The following ZNF444 variants were observed in gnomAD, a reference collection of about 807,000 sequenced individuals.
ZNF444 encodes endothelial zinc finger protein 2.
A neutral mutation model predicts 14.4 loss-of-function variants in ZNF444; 8 were observed. The ratio of observed to expected loss-of-function variants is 0.56; its 90% CI spans 0.33 to 1.00. ZNF444 has a LOEUF of 1.00. ZNF444 is among the 50% of genes least tolerant of loss of function. The pLI is 0.03. For missense variants in ZNF444, 510 were observed against 504.8 expected (o/e 1.01, Z -0.10); for synonymous variants, 258 against 235.9 (o/e 1.09, Z -0.86).
At chr19:56,141,828 ATTG>A (rs2030842574) in intron 1 of ZNF444, 3 of 152,136 alleles carry the variant, frequency 2.0e-5, no homozygotes, top group Admixed American at 2.0e-4. Context: ...GACGATGGTT[ATTG>A]TTGTAACGTA....
intron 3 of ZNF444, chr19:56,157,705 G>A (rs979724424): frequency 2.6e-5 from 4 of 152,228 alleles, no homozygotes; most frequent in Admixed American, 6.6e-5. Flanking sequence ...GCCTGGCCTA[G>A]GCATTGCTAA....
chr19:56,159,070 CCATCCACCCAT>C (rs1192625927), intron 4 of ZNF444, among the ~76,000 whole-genome samples: 4 of 151,350 alleles, frequency 2.6e-5, no homozygotes, highest in African/African-American at 9.7e-5. Flanking sequence ...ATCCGTCCAT[CCATCCACCCAT>C]CATCCACCCA....
At chr19:56,158,973 C>T (rs954764339) in intron 4 of ZNF444, among the ~76,000 whole-genome samples, 1 of 151,936 alleles carries the variant, frequency 6.6e-6, no homozygotes, top group East Asian at 1.9e-4. Flanking sequence ...TCATCATCAC[C>T]CATCTATCCA....
At position 56,158,543 on chromosome 19, in the gene ZNF444, A is replaced by G; in HGVS notation, c.347A>G (p.Asp116Gly). Residue 116 changes from aspartate (D) to glycine (G), a missense_variant, in exon 4 of 5, where the codon GAT becomes GGT. Asp to Gly is a moderately conservative substitution (Grantham distance 94, BLOSUM62 -1). Transcript: ENST00000337080. Reference protein sequence around the residue: ...DGSSATRVPQDVTQGPGATGG... With the variant: ...DGSSATRVPQGVTQGPGATGG... ...TCGTCAGCAACGAGGGTGCCTCAGGATGTGACGCAGGGCCCTGGGGCCACA... is the reference window on the plus strand; with the variant it reads ...TCGTCAGCAACGAGGGTGCCTCAGGGTGTGACGCAGGGCCCTGGGGCCACA... 1 of 1,612,020 alleles carries G rather than the reference A, an allele frequency of 6.2e-7. No individual in the cohort carries two copies. The highest frequency in any genetic ancestry group is 2.2e-5 in the East Asian group (1 of 44,610).
At chr19:56,140,126 A>G (rs1380365803), upstream of ZNF444, among the ~76,000 whole-genome samples, 3 of 152,234 alleles carry the variant, frequency 2.0e-5, no homozygotes, top group Admixed American at 6.5e-5. Context: ...ATTTATGAAT[A>G]TAAGACGAAC....
chr19:56,148,258 G>A (rs1029389121), intron 3 of ZNF444, among the ~76,000 whole-genome samples: 5 of 152,196 alleles, frequency 3.3e-5, no homozygotes, highest in Non-Finnish European at 7.3e-5. Context: ...TCCAGGCCAC[G>A]AGAGCAGCCA....
intron 3 of ZNF444, among the ~76,000 whole-genome samples, chr19:56,148,181 G>A (rs576777149): frequency 6.6e-6 from 1 of 152,224 alleles, no homozygotes; most frequent in Non-Finnish European, 1.5e-5. Context: ...CCCATGGCTG[G>A]TGGCTGCTGT....
chr19:56,159,676 G>C lies in ZNF444; in HGVS notation c.459G>C (p.Val153=). 1 of 1,520,714 alleles carries C rather than the reference G, an allele frequency of 6.6e-7. No individual in the cohort carries two copies. The highest frequency in any genetic ancestry group is 1.2e-5 in the South Asian group (1 of 82,162). 94.2% of individuals were successfully genotyped at this position (1,520,714 alleles called of 1,614,324 possible). A position where few individuals can be genotyped will look rare whatever the true frequency, so the allele number is the denominator to read the frequency against. ...EGPAPGDSQA[V]RPYKQEPSSP... The stretch of plus-strand genomic sequence containing the variant: ...CGGCGCCTGGGGACTCCCAGGCTGT[G>C]CGCCCCTACAAGCAGGAGCCCAGCA... Residue 153 remains valine, a synonymous_variant, in exon 5 of 5, where the codon GTG becomes GTC. Coordinates refer to ENST00000337080, the MANE Select transcript of ZNF444 (RefSeq NM_018337.4).
At chr19:56,154,683 T>G (rs941041711) in intron 3 of ZNF444, 14 of 149,652 alleles carry the variant, frequency 9.4e-5, no homozygotes, top group African/African-American at 2.9e-4. Flanking sequence ...ATCGGCAGCT[T>G]GATTCCGCAG....
In ZNF444 at chr19:56,144,571, C is replaced by T. The variant is rs1396720786; in HGVS notation, c.-196-1676C>T. Among the ~76,000 whole-genome samples, 1 of 152,038 alleles carries T rather than the reference C, an allele frequency of 6.6e-6. No homozygotes were observed. The highest frequency in any genetic ancestry group is 1.5e-5 in the Non-Finnish European group (1 of 68,026). On this transcript the variant is annotated intron_variant, in intron 1 of 4. Transcript: ENST00000337080. This position sits in a 1 kb window ranked among gnomAD's most constrained non-coding sequence, Gnocchi z 4.0. Reference sequence around the variant, plus strand: ...AGGCATACACGGGTCTTGTGGCAGCCGTCCCAGCAATGAGATGACGTTTGT... The same window carrying T: ...AGGCATACACGGGTCTTGTGGCAGCTGTCCCAGCAATGAGATGACGTTTGT...
intron 3 of ZNF444, chr19:56,150,326 G>A (rs1377609920): frequency 4.1e-6 from 1 of 246,260 alleles, no homozygotes; most frequent in South Asian, 4.8e-5. Context: ...CGGGGATGCA[G>A]TGAGAGTTCT....
intron 1 of ZNF444, chr19:56,141,692 G>A (rs1229945840): frequency 1.5e-5 from 2 of 134,670 alleles, no homozygotes; most frequent in Non-Finnish European, 3.2e-5. Context: ...TGGGGGAGGG[G>A]AAGGGGACCC....
At position 56,144,030 on chromosome 19, in the gene ZNF444, C is replaced by T. The variant is rs149763287; in HGVS notation, c.-196-2217C>T. Among the ~76,000 whole-genome samples, 27 of 152,250 alleles carry T rather than the reference C, an allele frequency of 1.8e-4. No individual in the cohort carries two copies. In the South Asian group the frequency reaches 3.5e-3, roughly 20 times the overall value. On this transcript the variant is annotated intron_variant, in intron 1 of 4. Coordinates refer to ENST00000337080, the MANE Select transcript of ZNF444 (RefSeq NM_018337.4). The surrounding 1 kb of genome is among the most constrained non-coding windows in gnomAD (Gnocchi z 4.0). ...CAAGAAGATAGAAAGTGAGCCAGACCGGGCACAGTGGCTCACTCCTGTAAT... is the reference window on the plus strand; with the variant it reads ...CAAGAAGATAGAAAGTGAGCCAGACTGGGCACAGTGGCTCACTCCTGTAAT...
intron 3 of ZNF444, chr19:56,151,693 G>A (rs1455761116): frequency 4.5e-6 from 2 of 448,326 alleles, no homozygotes; most frequent in Non-Finnish European, 4.4e-6. Context: ...GCTGTGCATT[G>A]GGGTTTCTTG....
chr19:56,134,291 T>G (rs182762934), intron 1 of ZNF444, among the ~76,000 whole-genome samples: 2 of 152,302 alleles, frequency 1.3e-5, no homozygotes, highest in South Asian at 4.1e-4. Context: ...CTAGAAGGTA[T>G]GAGCTAAATT....
chr19:56,159,707 C>T lies in ZNF444; in HGVS notation c.490C>T (p.Pro164Ser). ...CTACAAGCAGGAGCCCAGCAGCCCC[C>T]CGCTGGCGCCTGGCCTGCCCGCCTT... The part of the protein sequence containing the change: ...RPYKQEPSSP[P>S]LAPGLPAFLA... Residue 164 changes from proline (P) to serine (S), a missense_variant, in exon 5 of 5, where the codon CCG becomes TCG. Transcript: ENST00000337080. The T allele has an allele frequency of 6.4e-7, 1 of 1,551,244 alleles. No homozygotes were observed.
chr19:56,150,379 A>G, intron 3 of ZNF444: 1 of 281,832 alleles, frequency 3.5e-6, no homozygotes, highest in Non-Finnish European at 6.9e-6. Context: ...ACCAGGCTCC[A>G]GGCCGTCGGG....
At chr19:56,142,460 T>G (rs1285436027) in intron 1 of ZNF444, 1 of 152,062 alleles carries the variant, frequency 6.6e-6, no homozygotes, top group East Asian at 1.9e-4. Context: ...TGTGGCAATG[T>G]CTGGAGACTT....
At chr19:56,158,340 G>C (rs1165154374) in intron 3 of ZNF444, 154 bp from the exon 4 acceptor site, 3 of 663,590 alleles carry the variant, frequency 4.5e-6, no homozygotes, top group African/African-American at 3.8e-5. Flanking sequence ...TCACCTGGGG[G>C]CCTCTCTGTG....
Sources: allele counts gnomAD v4.1 joint callset (sites outside exome capture counted in the v4.1 genomes callset), GRCh38; gene constraint gnomAD v4.1.1; non-coding constraint Gnocchi (gnomAD v3.1); transcripts MANE v1.5; gene names NCBI Gene and HGNC (gene_info 2026-07-23, HGNC 2026-07-21).